KCTD1: variants seen among roughly 807,000 people sequenced by gnomAD.
KCTD1 encodes the protein potassium channel tetramerization domain containing 1, also known as BTB/POZ domain-containing protein KCTD1.
Under a neutral mutation model 66.0 loss-of-function variants are expected in KCTD1, and 24 were observed. That is an observed-to-expected ratio of 0.36 (90% confidence interval 0.26 to 0.51). KCTD1 has a LOEUF of 0.51. Ranked by LOEUF, KCTD1 falls within the 20% of genes least tolerant of loss-of-function variation. The probability of loss-of-function intolerance (pLI) is 0.95; values close to 1 mark genes in which losing one functional copy is unlikely to be tolerated. For synonymous variants in KCTD1, 511 were observed against 517.2 expected, an observed-to-expected ratio of 0.99 and a Z score of 0.16; for missense variants, 943 against 1,205.2, an observed-to-expected ratio of 0.78 and a Z score of 3.22.
At chr18:26,528,831 TCC>T (rs1984297293) in intron 1 of KCTD1, among the ~76,000 whole-genome samples, 2 of 152,146 alleles carry the variant, frequency 1.3e-5, no homozygotes, top group Non-Finnish European at 2.9e-5. Flanking sequence ...CCCCTCCTCC[TCC>T]CCGGCCACTT....
At position 26,548,542 on chromosome 18, in the gene KCTD1, C is replaced by CA; in HGVS notation, c.-7_-6insT. On this transcript the variant is annotated 5_prime_UTR_variant, in exon 1 of 5. Transcript: ENST00000580059. ...CTGCCAGGCATTCTCGCCATATTGC[C>CA]GTCTCTCTGCCAGTCCTCGGGCAGG... The CA allele has an allele frequency of 8.1e-7, 1 of 1,232,888 alleles. No homozygotes were observed. Among genetic ancestry groups the CA allele is most frequent in the Non-Finnish European group, 1.0e-6 (1 of 991,000 alleles). The allele number at this position is 1,232,888 out of a possible 1,614,324, so 76.4% of individuals were successfully genotyped here.
intron 1 of KCTD1, among the ~76,000 whole-genome samples, chr18:26,601,629 A>G (rs988926650): frequency 1.3e-5 from 2 of 152,146 alleles, no homozygotes; most frequent in Non-Finnish European, 2.9e-5. Flanking sequence ...TAACAATACT[A>G]TGTCTTCCAA....
intron 1 of KCTD1, chr18:26,566,575 G>T (rs1418586589): frequency 6.6e-6 from 1 of 152,204 alleles, no homozygotes; most frequent in Non-Finnish European, 1.5e-5. Flanking sequence ...ATATATAAGA[G>T]ATTTCCAACT....
At chr18:26,514,549 CAAAAAAAAAA>C (rs200444964) in intron 1 of KCTD1, among the ~76,000 whole-genome samples, 49,637 of 121,850 alleles carry the variant, frequency 0.41, 8,990 homozygotes, top group African/African-American at 0.51. Context: ...GACCTTGTCT[CAAAAAAAAAA>C]AAAAAAAAAA....
chr18:26,595,208 C>G (rs545479833), intron 1 of KCTD1, among the ~76,000 whole-genome samples: 3 of 152,256 alleles, frequency 2.0e-5, no homozygotes, highest in South Asian at 4.1e-4. Context: ...CTCACTACCC[C>G]CTACCCCATT....
At chr18:26,496,012 A>T (rs1221163074) in intron 2 of KCTD1, among the ~76,000 whole-genome samples, 1 of 152,198 alleles carries the variant, frequency 6.6e-6, no homozygotes, top group Admixed American at 6.5e-5. Context: ...TATTTTCATT[A>T]TGCATGTGGC....
chr18:26,574,979 A>G lies in KCTD1; in HGVS notation c.-16+54168T>C, dbSNP rs372908190. ...TTGCAGGTGCAACAATCCTGCTACC[A>G]CGAACCATGGAGGAAATCTGTGAAA... On this transcript the variant is annotated intron_variant, in intron 1 of 4. Coordinates refer to the KCTD1 transcript ENST00000317932. 9.1e-4 allele frequency among the ~76,000 whole-genome samples: 139 copies of G among 152,334 alleles called. 4 individuals carry two copies. Among genetic ancestry groups the G allele is most frequent in the African/African-American group, 3.2e-3 (133 of 41,570 alleles).
chr18:26,577,392 A>T (rs563002267), intron 1 of KCTD1, among the ~76,000 whole-genome samples: 2 of 152,170 alleles, frequency 1.3e-5, no homozygotes, highest in African/African-American at 4.8e-5. Flanking sequence ...TTATCAATCA[A>T]TTCTTTTCAG....
intron 2 of KCTD1, among the ~76,000 whole-genome samples, chr18:26,490,164 T>C (rs1454866729): frequency 1.3e-5 from 2 of 152,206 alleles, no homozygotes. Context: ...CCCATGGTAC[T>C]GCATGGTGAC....
intron 1 of KCTD1, among the ~76,000 whole-genome samples, chr18:26,532,846 G>C (rs566170911): frequency 6.6e-6 from 1 of 152,288 alleles, no homozygotes; most frequent in East Asian, 1.9e-4. Context: ...TATTAATCAT[G>C]GTTTTATTAG....
At chr18:26,492,933 T>C (rs1003686827) in intron 2 of KCTD1, among the ~76,000 whole-genome samples, 1 of 152,224 alleles carries the variant, frequency 6.6e-6, no homozygotes, top group Admixed American at 6.5e-5. Context: ...AACTTTATGA[T>C]TTGAATAACG....
At chr18:26,509,897 T>C (rs1157158028) in intron 1 of KCTD1, among the ~76,000 whole-genome samples, 4 of 152,178 alleles carry the variant, frequency 2.6e-5, no homozygotes, top group Non-Finnish European at 5.9e-5. Flanking sequence ...CCCAGTATCC[T>C]CATCTCTAAG....
chr18:26,609,826 C>T (rs965846148), intron 1 of KCTD1, among the ~76,000 whole-genome samples: 2 of 152,200 alleles, frequency 1.3e-5, no homozygotes, highest in African/African-American at 4.8e-5. Context: ...CATTTAAATT[C>T]CACCGGCTCC....
At chr18:26,632,618 G>A (rs1228900215), upstream of KCTD1, among the ~76,000 whole-genome samples, 1 of 152,106 alleles carries the variant, frequency 6.6e-6, no homozygotes, top group Non-Finnish European at 1.5e-5. Context: ...GAATACAAGA[G>A]TTTGAGGATA....
upstream of KCTD1, among the ~76,000 whole-genome samples, chr18:26,632,616 G>C (rs1459942405): frequency 6.6e-6 from 1 of 152,110 alleles, no homozygotes; most frequent in Non-Finnish European, 1.5e-5. Context: ...GAGAATACAA[G>C]AGTTTGAGGA....
intron 1 of KCTD1, among the ~76,000 whole-genome samples, chr18:26,624,263 T>C (rs1987450898): frequency 6.6e-6 from 1 of 152,224 alleles, no homozygotes; most frequent in Non-Finnish European, 1.5e-5. Context: ...TTTGCATAAG[T>C]AATGAGGAGC....
At chr18:26,563,973 T>C (rs1218414183) in intron 1 of KCTD1, among the ~76,000 whole-genome samples, 1 of 152,098 alleles carries the variant, frequency 6.6e-6, no homozygotes, top group Non-Finnish European at 1.5e-5. Context: ...GTAACTGCTA[T>C]TTTTCTTCTT....
rs769791075 is a variant in KCTD1, at chr18:26,467,014, A to T, written c.2134-7089T>A. Among the ~76,000 whole-genome samples the T allele has an allele frequency of 8.5e-5, 13 of 152,150 alleles. No homozygotes were observed. The East Asian group carries it at 1.7e-3, about 20-fold the overall frequency. On this transcript the variant is annotated intron_variant, in intron 3 of 4. Transcript: ENST00000580059. ...TATAGTTGTGGAATTAGAGGAAATA[A>T]TTTTTTTTAAATGGAAAGGTAAAGG...
intron 1 of KCTD1, among the ~76,000 whole-genome samples, chr18:26,558,071 T>G (rs933709306): frequency 2.6e-5 from 4 of 152,214 alleles, no homozygotes; most frequent in African/African-American, 4.8e-5. Context: ...GGAGAACATT[T>G]GGCTGGGAGG....
Sources: gnomAD v4.1 joint callset for allele counts (sites outside exome capture counted in the v4.1 genomes callset) on GRCh38, gnomAD v4.1.1 for gene constraint, MANE v1.5 for transcripts, NCBI Gene and HGNC (gene_info 2026-07-23, HGNC 2026-07-21) for gene names.